RSRC2: variants seen among roughly 807,000 people sequenced by gnomAD.
RSRC2 encodes the protein arginine/serine-rich coiled-coil protein 2.
In RSRC2, 5 loss-of-function variants were observed where a neutral mutation model predicts 61.3. The ratio of observed to expected loss-of-function variants is 0.08; its 90% confidence interval spans 0.04 to 0.17. RSRC2 has a LOEUF of 0.17. Among genes scored for constraint, RSRC2 ranks in the 10% least tolerant of loss-of-function variants. RSRC2 has a pLI of 1.00. For missense variants in RSRC2, 381 were observed against 518.8 expected (o/e 0.73, Z 2.58); for synonymous variants, 202 against 166.5 (o/e 1.21, Z -1.64).
chr12:122,511,259 T>C, intron 6 of RSRC2, 71 bp from the exon 7 acceptor site: 1 of 1,143,778 alleles, frequency 8.7e-7, no homozygotes, highest in Non-Finnish European at 1.2e-6. Context: ...TCTCTATATG[T>C]GCATGTACAG....
intron 7 of RSRC2, among the ~76,000 whole-genome samples, chr12:122,509,896 T>C (rs1958371410): frequency 1.3e-5 from 2 of 152,168 alleles, no homozygotes. Flanking sequence ...TAGAGTGCAA[T>C]GGCGTGATGT....
At position 122,503,755 on chromosome 12, in the gene RSRC2, G is replaced by A. The variant is rs1016469366; in HGVS notation, c.*1772C>T. 1 of 152,128 alleles carries A rather than the reference G, an allele frequency of 6.6e-6. No individual in the cohort carries two copies. The highest frequency in any genetic ancestry group is 1.5e-5 in the Non-Finnish European group (1 of 68,036). The allele number at this position is 152,128 out of a possible 1,614,324, so 9.4% of individuals were successfully genotyped here. A position where few individuals can be genotyped will look rare whatever the true frequency, so the allele number is the denominator to read the frequency against. On this transcript the variant is annotated 3_prime_UTR_variant, in exon 10 of 10. Transcript: ENST00000331738. ...TTTGCCATAGAATTTCTGTGCTCTG[G>A]GAAAATGAAAGGTTTATTAAAGTAC...
intron 7 of RSRC2, 124 bp from the exon 8 acceptor site, chr12:122,508,571 C>T (rs1006140343): frequency 5.5e-6 from 4 of 721,010 alleles, no homozygotes; most frequent in Non-Finnish European, 9.1e-6. Flanking sequence ...TTCACCAAAT[C>T]CAAGGAAATG....
intron 1 of RSRC2, among the ~76,000 whole-genome samples, chr12:122,523,986 T>C (rs182121691): frequency 2.6e-5 from 4 of 152,338 alleles, no homozygotes; most frequent in Admixed American, 6.5e-5. Flanking sequence ...AGAAATTAAC[T>C]ACCAGGGAGG....
At chr12:122,508,153 A>C in intron 8 of RSRC2, 65 bp downstream of exon 8, 1 of 1,416,880 alleles carries the variant, frequency 7.1e-7, no homozygotes, top group South Asian at 1.2e-5. Flanking sequence ...TTCAACCCAA[A>C]TTTGTTTTTC....
Position 122,518,951 on chromosome 12 carries a change from C to T in RSRC2, c.286G>A (p.Asp96Asn), listed in dbSNP as rs745824571. 8.1e-6 allele frequency: 13 copies of T among 1,613,644 alleles called. No homozygotes were observed. The East Asian group carries it at 2.5e-4, about 30-fold the overall frequency. The stretch of plus-strand genomic sequence containing the variant: ...GAATTTAGTCGCTCTCTTCCTTTAT[C>T]AGAAGAATGTTCTTTGTCATTATGT... ...EEHNDKEHSS[D>N]KGRERLNSSE... Residue 96 changes from aspartate (D) to asparagine (N), a missense_variant, in exon 4 of 10, where the codon GAT becomes AAT. Physicochemically the swap from Asp to Asn is conservative, Grantham distance 23. This residue lies in a region of RSRC2 where 266 missense variants were observed against 270.5 expected (regional missense o/e 0.98). Coordinates refer to ENST00000331738, the MANE Select transcript of RSRC2 (RefSeq NM_023012.6).
intron 3 of RSRC2, chr12:122,521,163 T>C: frequency 2.3e-6 from 1 of 435,224 alleles, no homozygotes; most frequent in East Asian, 3.5e-5. Context: ...TTATTGTGAA[T>C]ATTTTCACAA....
intron 3 of RSRC2, chr12:122,520,264 T>C (rs535249589): frequency 3.8e-6 from 1 of 260,514 alleles, no homozygotes; most frequent in East Asian, 1.1e-4. Flanking sequence ...GGAGACACAA[T>C]TAAATTTTAG....
rs560223873 is a variant in RSRC2, at chr12:122,512,585, A to G, written c.726-1397T>C. ...GCATCTACTAAAAATACAAAAAATT[A>G]GCAGGGCGTGGTGGTGGGCGCCTGT... On this transcript the variant is annotated intron_variant, in intron 6 of 9. Coordinates refer to ENST00000331738, the MANE Select transcript of RSRC2 (RefSeq NM_023012.6). Among the ~76,000 whole-genome samples, 20 of 152,100 alleles carry G rather than the reference A, an allele frequency of 1.3e-4. No individual in the cohort carries two copies. In the East Asian group the frequency reaches 3.1e-3, roughly 24 times the overall value.
intron 5 of RSRC2, among the ~76,000 whole-genome samples, chr12:122,516,904 G>A (rs1958972379): frequency 6.6e-6 from 1 of 152,120 alleles, no homozygotes; most frequent in South Asian, 2.1e-4. Context: ...TATTGCCCAG[G>A]CTGGTCTTGA....
intron 4 of RSRC2, among the ~76,000 whole-genome samples, chr12:122,517,900 C>T (rs1959055819): frequency 6.6e-6 from 1 of 152,162 alleles, no homozygotes; most frequent in African/African-American, 2.4e-5. Context: ...TGCAGTTTAG[C>T]AGCAAACACC....
chr12:122,505,789 T>C, intron 9 of RSRC2, 83 bp from the exon 10 acceptor site: 2 of 1,276,984 alleles, frequency 1.6e-6, no homozygotes, highest in Admixed American at 2.3e-5. Flanking sequence ...TATGTATTTT[T>C]TTTTTTTGAG....
At chr12:122,524,128 C>G (rs1959684559) in intron 1 of RSRC2, among the ~76,000 whole-genome samples, 2 of 152,190 alleles carry the variant, frequency 1.3e-5, no homozygotes, top group African/African-American at 4.8e-5. Flanking sequence ...CAGATGAGAT[C>G]CAGCAACATT....
rs760939546 is a variant in RSRC2 at position 122,517,261 on chromosome 12, T to C, written c.568A>G (p.Thr190Ala). 1 of 1,614,040 alleles carries C rather than the reference T, an allele frequency of 6.2e-7. No individual in the cohort carries two copies. The highest frequency in any genetic ancestry group is 1.7e-5 in the Admixed American group (1 of 59,994). Reference protein sequence around the residue: ...SRSRSRHRHRTRSRSRTRSRS... With the variant: ...SRSRSRHRHRARSRSRTRSRS... Reference sequence around the variant, plus strand: ...CTCCTTGTCCTACTCCTGCTTCTAGTCCTATGCCTGTGTCTTGATCTTGAG... The same window carrying C: ...CTCCTTGTCCTACTCCTGCTTCTAGCCCTATGCCTGTGTCTTGATCTTGAG... Residue 190 changes from threonine (T) to alanine (A), a missense_variant, in exon 5 of 10, where the codon ACT (threonine) becomes GCT (alanine). By Grantham distance (58) the Thr-to-Ala change is moderately conservative. Transcript: ENST00000331738.
Position 122,505,501 on chromosome 12 carries a change from C to T in RSRC2, c.*26G>A. 1.2e-6 allele frequency: 2 copies of T among 1,605,498 alleles called. No homozygotes were observed. Among genetic ancestry groups the T allele is most frequent in the Admixed American group, 1.7e-5 (1 of 59,532 alleles). ...ACATCAGAACAAGAAGTCTATAAGT[C>T]CCAAACTTTACAAGTGTGATCATTT... On this transcript the variant is annotated 3_prime_UTR_variant, in exon 10 of 10. Transcript: ENST00000331738.
rs777811374 is a variant in RSRC2, at chr12:122,526,879, G to T, written c.-26C>A. ...AGTTCAGAGTCCCGGCCGCTAGAGC[G>T]GCGCCTCCACTTGTCGCTTTCAACA... On this transcript the variant is annotated 5_prime_UTR_variant, in exon 1 of 10. Coordinates refer to ENST00000331738, the MANE Select transcript of RSRC2 (RefSeq NM_023012.6). 7 of 1,614,126 alleles carry T rather than the reference G, an allele frequency of 4.3e-6. No individual in the cohort carries two copies. In the Admixed American group the frequency reaches 8.3e-5, roughly 19 times the overall value.
chr12:122,507,004 TA>T (rs144251671), intron 8 of RSRC2, 81 bp from the exon 9 acceptor site: 7,631 of 556,208 alleles, frequency 0.014, 2 homozygotes, highest in South Asian at 0.017. Context: ...ATGTCTAAAT[TA>T]AAAAAAAAAA....
intron 1 of RSRC2, 147 bp downstream of exon 1, chr12:122,526,701 G>A (rs1960560326): frequency 2.3e-6 from 2 of 858,584 alleles, no homozygotes; most frequent in African/African-American, 3.4e-5. Context: ...CCCTACAGCA[G>A]GCAGCCATGA....
intron 1 of RSRC2, among the ~76,000 whole-genome samples, chr12:122,524,736 T>A (rs1293961962): frequency 2.6e-5 from 4 of 152,208 alleles, no homozygotes; most frequent in African/African-American, 9.7e-5. Flanking sequence ...GGATATTTTA[T>A]AGTAGCATAA....
Sources: allele counts gnomAD v4.1 joint callset (sites outside exome capture counted in the v4.1 genomes callset), GRCh38; gene constraint gnomAD v4.1.1; regional missense constraint gnomAD v4.1.1; transcripts MANE v1.5; gene names NCBI Gene and HGNC (gene_info 2026-07-23, HGNC 2026-07-21).